Variants in USP10 observed in about 807,000 individuals in gnomAD.
USP10 encodes ubiquitin carboxyl-terminal hydrolase 10.
USP10 carries 22 observed loss-of-function variants against 84.5 expected under a neutral mutation model. The ratio of observed to expected loss-of-function variants is 0.26; its 90% CI spans 0.19 to 0.37. The LOEUF is 0.37. Among genes scored for constraint, USP10 ranks in the 10% least tolerant of loss-of-function variants. The pLI is 1.00. For missense variants in USP10, 1,019 were observed against 998.9 expected, an observed-to-expected ratio of 1.02 and a Z score of -0.27; for synonymous variants, 454 against 387.6, an observed-to-expected ratio of 1.17 and a Z score of -2.01.
rs781004071 is a variant in USP10 at position 84,700,061 on chromosome 16, G to A, written c.-30G>A. 1 of 1,369,046 alleles carries A rather than the reference G, an allele frequency of 7.3e-7. No individual in the cohort carries two copies. The highest frequency in any genetic ancestry group is 9.6e-7 in the Non-Finnish European group (1 of 1,040,530). 84.8% of individuals were successfully genotyped at this position (1,369,046 alleles called of 1,614,324 possible). A position where few individuals can be genotyped will look rare whatever the true frequency, so the allele number is the denominator to read the frequency against. On this transcript the variant is annotated 5_prime_UTR_variant, in exon 1 of 14. Transcript: ENST00000219473. ...GGGGAAGCAGCGTGAGCAGCCGGAG[G>A]ATCGCGGAGTCCCAATGAAACGGGC...
At chr16:84,774,796 A>G (rs1914822970) in intron 12 of USP10, among the ~76,000 whole-genome samples, 1 of 152,176 alleles carries the variant, frequency 6.6e-6, no homozygotes, top group African/African-American at 2.4e-5. Context: ...GATCTGACGC[A>G]TATGTAAAAT....
At chr16:84,734,766 ATTT>A (rs1267639298) in intron 2 of USP10, among the ~76,000 whole-genome samples, 5 of 152,056 alleles carry the variant, frequency 3.3e-5, no homozygotes, top group Non-Finnish European at 7.4e-5. Flanking sequence ...AAGTTTTCAG[ATTT>A]TGTTTTCACG....
intron 1 of USP10, among the ~76,000 whole-genome samples, chr16:84,716,032 C>T (rs375383405): frequency 2.0e-5 from 3 of 152,082 alleles, no homozygotes; most frequent in African/African-American, 7.2e-5. Context: ...AGCACTGTGG[C>T]GAGGAGGGTG....
At chr16:84,759,217 T>C in intron 5 of USP10, 146 bp from the exon 6 acceptor site, 4 of 723,154 alleles carry the variant, frequency 5.5e-6, no homozygotes, top group Non-Finnish European at 9.7e-6. Context: ...ACTATTTGGT[T>C]TATTCCTTTT....
intron 1 of USP10, among the ~76,000 whole-genome samples, chr16:84,707,819 C>T (rs1003605709): frequency 1.3e-5 from 2 of 152,076 alleles, no homozygotes; most frequent in African/African-American, 4.8e-5. Flanking sequence ...TGACTCACGC[C>T]TGTAATCCCA....
intron 10 of USP10, among the ~76,000 whole-genome samples, chr16:84,764,668 T>C (rs1338713936): frequency 2.0e-5 from 3 of 151,922 alleles, no homozygotes; most frequent in East Asian, 3.9e-4. Flanking sequence ...CCGTCTCTAC[T>C]AAAAATACAA....
intron 1 of USP10, chr16:84,704,685 G>T: frequency 6.8e-7 from 1 of 1,469,550 alleles, no homozygotes; most frequent in Non-Finnish European, 9.0e-7. Context: ...CCTCGATGTA[G>T]AATCTTCAGA....
At chr16:84,771,536 G>C (rs963181069) in intron 11 of USP10, among the ~76,000 whole-genome samples, 1 of 152,010 alleles carries the variant, frequency 6.6e-6, no homozygotes, top group African/African-American at 2.4e-5. Flanking sequence ...AATCCTACTG[G>C]TATCAGTTTT....
intron 1 of USP10, among the ~76,000 whole-genome samples, chr16:84,731,524 A>T: frequency 6.6e-6 from 1 of 151,904 alleles, no homozygotes; most frequent in Non-Finnish European, 1.5e-5. Context: ...TCCTCCCCCC[A>T]AGAAAAAGGT....
At chr16:84,707,098 A>T (rs1207829532) in intron 1 of USP10, among the ~76,000 whole-genome samples, 2 of 152,198 alleles carry the variant, frequency 1.3e-5, no homozygotes, top group African/African-American at 4.8e-5. Context: ...TTGAGGTCAA[A>T]TGGCTGCTGG....
At chr16:84,756,089 C>T (rs1274454977) in intron 4 of USP10, among the ~76,000 whole-genome samples, 2 of 130,286 alleles carry the variant, frequency 1.5e-5, no homozygotes, top group East Asian at 2.8e-4. Context: ...TCCTTCCCCA[C>T]CCCCCGCCCC....
At chr16:84,758,599 C>T (rs1912853147) in intron 4 of USP10, 117 bp from the exon 5 acceptor site, 1 of 715,752 alleles carries the variant, frequency 1.4e-6, no homozygotes, top group South Asian at 1.7e-5. Flanking sequence ...TTTTCTTTGG[C>T]TGTGTGTTTT....
intron 1 of USP10, among the ~76,000 whole-genome samples, chr16:84,723,142 C>T (rs1251136417): frequency 2.2e-5 from 3 of 136,732 alleles, no homozygotes; most frequent in Admixed American, 7.0e-5. Context: ...TGATCACATC[C>T]AGGGTTTTTT....
intron 1 of USP10, among the ~76,000 whole-genome samples, chr16:84,711,166 A>G (rs1021995789): frequency 2.0e-5 from 3 of 152,168 alleles, no homozygotes; most frequent in African/African-American, 7.2e-5. Context: ...TAAGTCCATG[A>G]TTATGCCTTT....
intron 1 of USP10, chr16:84,709,456 T>C (rs1010024887): frequency 6.6e-5 from 10 of 152,170 alleles, no homozygotes; most frequent in Admixed American, 5.9e-4. Context: ...TTACTGTCTT[T>C]ATTCTGAGAA....
At chr16:84,758,829 C>T (rs746616827) in intron 5 of USP10, 22 bp downstream of exon 5, 19 of 1,566,006 alleles carry the variant, frequency 1.2e-5, no homozygotes, top group African/African-American at 6.8e-5. Context: ...GGACGCCGTC[C>T]GCAAGGCCAG....
Position 84,775,208 on chromosome 16 carries a change from C to G in USP10, c.2192C>G (p.Thr731Ser), listed in dbSNP as rs1025418076. 1 of 1,613,724 alleles carries G rather than the reference C, an allele frequency of 6.2e-7. No individual in the cohort carries two copies. The highest frequency in any genetic ancestry group is 1.3e-5 in the African/African-American group (1 of 75,048). Residue 731 changes from threonine (T) to serine (S), a missense_variant, in exon 13 of 14, where the codon ACC becomes AGC. Around this residue, in one of 2 missense-constraint regions of USP10, gnomAD observed 232 missense variants for 290.1 expected, o/e 0.80. Transcript: ENST00000219473. Reference protein sequence around the residue: ...VKNKNFKCHRTYRLFAVVYHH... With the variant: ...VKNKNFKCHRSYRLFAVVYHH... Reference sequence around the variant, plus strand: ...AATAAGAATTTTAAATGCCACCGAACCTATCGGCTCTTTGCAGGTGAGTAA... The same window carrying G: ...AATAAGAATTTTAAATGCCACCGAAGCTATCGGCTCTTTGCAGGTGAGTAA...
rs1567654658 is a variant in USP10 at position 84,774,397 on chromosome 16, C to CT, written c.2144-763_2144-762insT. Among the ~76,000 whole-genome samples, 3 of 152,252 alleles carry CT rather than the reference C, an allele frequency of 2.0e-5. No individual in the cohort carries two copies. In the East Asian group the frequency reaches 5.8e-4, roughly 29 times the overall value. ...GCGCACAGTAAGAGCAGGGAGTTCCCGCCTCGTAGCAGCTGGTAGACTGGT... is the reference window on the plus strand; with the variant it reads ...GCGCACAGTAAGAGCAGGGAGTTCCCTGCCTCGTAGCAGCTGGTAGACTGGT... On this transcript the variant is annotated intron_variant, in intron 12 of 13. Transcript: ENST00000219473.
intron 1 of USP10, among the ~76,000 whole-genome samples, chr16:84,716,804 A>G (rs147142879): frequency 9.8e-4 from 149 of 152,350 alleles, no homozygotes; most frequent in African/African-American, 2.1e-3. Context: ...ACACCTTACA[A>G]TTACATGGGG....
Sources: allele counts gnomAD v4.1 joint callset (sites outside exome capture counted in the v4.1 genomes callset), GRCh38; gene constraint gnomAD v4.1.1; regional missense constraint gnomAD v4.1.1; transcripts MANE v1.5; gene names NCBI Gene and HGNC (gene_info 2026-07-23, HGNC 2026-07-21).